KDM3A: variants seen among roughly 807,000 people sequenced by gnomAD.
The protein encoded by KDM3A is lysine-specific demethylase 3A.
In KDM3A, 60 loss-of-function variants were observed where a neutral mutation model predicts 158.0. The observed-to-expected ratio is 0.38, with a 90% CI of 0.31 to 0.47. The LOEUF (loss-of-function observed/expected upper bound fraction) is 0.47. KDM3A is among the 20% of genes least tolerant of loss of function. The pLI is 0.99. For synonymous variants in KDM3A, 608 were observed against 549.3 expected (o/e 1.11, Z -1.49); for missense variants, 1,319 against 1,574.3 (o/e 0.84, Z 2.74).
At chr2:86,457,158 T>C in intron 8 of KDM3A, 87 bp downstream of exon 8, 1 of 471,076 alleles carries the variant, frequency 2.1e-6, no homozygotes, top group Non-Finnish European at 3.4e-6. Flanking sequence ...TTTATTTAAT[T>C]ATTTTTATTT....
intron 16 of KDM3A, 44 bp downstream of exon 16, chr2:86,480,406 C>G (rs748729002): frequency 1.3e-6 from 2 of 1,533,106 alleles, no homozygotes; most frequent in South Asian, 1.2e-5. Context: ...GTATTTTAGT[C>G]CATTCGTGGA....
intron 21 of KDM3A, 182 bp from the exon 22 acceptor site, chr2:86,489,136 A>C: frequency 1.6e-6 from 1 of 631,748 alleles, no homozygotes; most frequent in Non-Finnish European, 2.6e-6. Context: ...GCTTCTGAGT[A>C]TTCCTTCTTT....
intron 2 of KDM3A, among the ~76,000 whole-genome samples, chr2:86,447,456 C>CTTTTT (rs150625957): frequency 3.0e-5 from 4 of 134,666 alleles, no homozygotes; most frequent in African/African-American, 1.1e-4. Flanking sequence ...TAATTCTGCA[C>CTTTTT]TTTTTTTTTT....
In KDM3A at chr2:86,490,968, C is replaced by T. The variant is rs1274950661; in HGVS notation, c.3661C>T (p.Arg1221Cys). ...SWYLDRSLRK[R>C]LHQEYGVQGW... ...GTATTTAGACCGATCATTAAGAAAA[C>T]GTCTTCATCAAGAGTATGGAGTTCA... The change falls in exon 24 of 26, where the codon CGT (arginine) becomes TGT (cysteine). Residue 1221 changes from arginine to cysteine, a missense_variant. By Grantham distance (180) the Arg-to-Cys change is radical. Transcript: ENST00000312912. The T allele has an allele frequency of 1.2e-6, 2 of 1,613,864 alleles. No homozygotes were observed. Among genetic ancestry groups the T allele is most frequent in the Non-Finnish European group, 1.7e-6 (2 of 1,179,786 alleles).
At chr2:86,474,742 T>TGTGTA in intron 11 of KDM3A, 34 bp from the exon 12 acceptor site, 51 of 1,083,072 alleles carry the variant, frequency 4.7e-5, no homozygotes, top group Non-Finnish European at 6.8e-5. Context: ...TGTGTGTGTG[T>TGTGTA]ACATTACATC....
Position 86,484,962 on chromosome 2 carries a change from G to C in KDM3A, c.3115G>C (p.Glu1039Gln). The change falls in exon 20 of 26, where the codon GAA becomes CAA. Residue 1039 changes from glutamate (E) to glutamine (Q), a missense_variant. Physicochemically the swap from Glu to Gln is conservative, Grantham distance 29. Coordinates refer to ENST00000312912, the MANE Select transcript of KDM3A (RefSeq NM_018433.6). Reference sequence around the variant, plus strand: ...TTCAGATCGTTTGAAAAATGAAAAAGAACCAATGGTGTTGAAACTTAAGGA... The same window carrying C: ...TTCAGATCGTTTGAAAAATGAAAAACAACCAATGGTGTTGAAACTTAAGGA... ...DVPNRLKNEK[E>Q]PMVLKLKDWP... 1.2e-6 allele frequency: 2 copies of C among 1,606,660 alleles called. No individual in the cohort carries two copies. Among genetic ancestry groups the C allele is most frequent in the African/African-American group, 1.3e-5 (1 of 74,822 alleles).
chr2:86,439,754 TTCA>T (rs1394954703), upstream of KDM3A, among the ~76,000 whole-genome samples: 2 of 152,140 alleles, frequency 1.3e-5, no homozygotes, highest in Admixed American at 6.5e-5. Context: ...TGTTTTTAGA[TTCA>T]TAACAGTTCA....
At chr2:86,468,732 A>G (rs1333041327) in intron 10 of KDM3A, among the ~76,000 whole-genome samples, 2 of 152,142 alleles carry the variant, frequency 1.3e-5, no homozygotes, top group African/African-American at 4.8e-5. Context: ...GGGTCTAGAA[A>G]ACAAAAGCAA....
chr2:86,470,183 CTTAA>C lies in KDM3A; in HGVS notation c.1520-19_1520-16del, dbSNP rs1391226882. On this transcript the variant is annotated splice_polypyrimidine_tract_variant and intron_variant, in intron 10 of 25. Transcript: ENST00000312912. The stretch of plus-strand genomic sequence containing the variant: ...TTTTAAAAATTTGAGGTCCTGTCTC[CTTAA>C]TCTTTTGTTTTCCTAGCCCCATCCA... 6.2e-7 allele frequency: 1 copy of C among 1,611,010 alleles called. No homozygotes were observed.
chr2:86,456,857 A>G lies in KDM3A; in HGVS notation c.734A>G (p.His245Arg), dbSNP rs1175883704. ...DPSLIHVEVV[H>R]DNLVTCGNSA... ...TCACTGATTCATGTTGAAGTTGTACACGATAACCTTGTGACATGTGGTAAG... is the reference window on the plus strand; with the variant it reads ...TCACTGATTCATGTTGAAGTTGTACGCGATAACCTTGTGACATGTGGTAAG... The change falls in exon 7 of 26, where the codon CAC becomes CGC. Residue 245 changes from histidine (H) to arginine (R), a missense_variant. Physicochemically the swap from His to Arg is conservative, Grantham distance 29 (BLOSUM62 0). This residue lies in a region of KDM3A where 652 missense variants were observed against 627.2 expected (regional missense o/e 1.04). Transcript: ENST00000312912. The G allele has an allele frequency of 1.2e-6, 2 of 1,612,052 alleles. No homozygotes were observed. The highest frequency in any genetic ancestry group is 1.7e-6 in the Non-Finnish European group (2 of 1,178,350).
At chr2:86,451,649 T>G (rs1291947045) in intron 4 of KDM3A, among the ~76,000 whole-genome samples, 5 of 152,188 alleles carry the variant, frequency 3.3e-5, no homozygotes, top group Admixed American at 3.3e-4. Context: ...GCCTGCACAG[T>G]CCACAACTGT....
At chr2:86,474,701 T>TGTGTGTG (rs1553396794) in intron 11 of KDM3A, 75 bp from the exon 12 acceptor site, 13 of 429,138 alleles carry the variant, frequency 3.0e-5, no homozygotes, top group African/African-American at 1.4e-4. Flanking sequence ...TGTAAATAAG[T>TGTGTGTG]TGTGTGTGTG....
At chr2:86,481,678 T>A (rs1237405731) in intron 16 of KDM3A, among the ~76,000 whole-genome samples, 5 of 152,200 alleles carry the variant, frequency 3.3e-5, no homozygotes, top group African/African-American at 1.2e-4. Context: ...AATCTACATT[T>A]ACTAAACATT....
Position 86,489,707 on chromosome 2 carries a change from A to AT in KDM3A, c.3573+50dup, listed in dbSNP as rs771356368. On this transcript the variant is annotated intron_variant, in intron 23 of 25. Coordinates refer to ENST00000312912, the MANE Select transcript of KDM3A (RefSeq NM_018433.6). ...GAACAGAGGCATAAGGAATAGCAAT[A>AT]TTATGTTACTACATGTGGTGAACTG... is the stretch of plus-strand genomic sequence containing the variant. 49 of 1,560,318 alleles carry AT rather than the reference A, an allele frequency of 3.1e-5. 2 individuals carry two copies. In the South Asian group the frequency reaches 5.6e-4, roughly 18 times the overall value.
At chr2:86,488,314 C>T (rs1674287283) in intron 21 of KDM3A, 3 of 152,210 alleles carry the variant, frequency 2.0e-5, no homozygotes, top group Admixed American at 6.5e-5. Context: ...AACTCATCAC[C>T]CAGTTATATA....
chr2:86,480,089 G>T, intron 15 of KDM3A, 78 bp from the exon 16 acceptor site: 2 of 1,120,196 alleles, frequency 1.8e-6, no homozygotes, highest in South Asian at 1.3e-5. Context: ...TTGTTGGTCG[G>T]CTATTAGGAG....
intron 10 of KDM3A, 131 bp from the exon 11 acceptor site, chr2:86,470,073 A>C: frequency 1.4e-6 from 1 of 692,786 alleles, no homozygotes; most frequent in Non-Finnish European, 2.5e-6. Flanking sequence ...TTTAGAAATT[A>C]CAATTGAACC....
At position 86,442,080 on chromosome 2, in the gene KDM3A, A is replaced by G. The variant is rs745968685; in HGVS notation, c.33A>G (p.Val11=). ...TCACGCTCGGAGAAAGTTGGCCGGT[A>G]TTGGTGGGGAGGAGGTTTCTCAGTC... MVLTLGESWP[V]LVGRRFLSLS... is the part of the protein sequence containing the mutation. Residue 11 remains valine (V), a synonymous_variant, in exon 2 of 26, where the codon GTA becomes GTG. Coordinates refer to ENST00000312912, the MANE Select transcript of KDM3A (RefSeq NM_018433.6). The G allele has an allele frequency of 1.9e-6, 3 of 1,613,926 alleles. No homozygotes were observed. Among genetic ancestry groups the G allele is most frequent in the African/African-American group, 1.3e-5 (1 of 75,030 alleles).
chr2:86,482,872 A>C (rs541846026), intron 18 of KDM3A, 178 bp downstream of exon 18: 1 of 634,354 alleles, frequency 1.6e-6, no homozygotes, highest in South Asian at 1.9e-5. Context: ...TTTTTAAAGC[A>C]GATGGTCCTA....
Sources: gnomAD v4.1 joint callset for allele counts (sites outside exome capture counted in the v4.1 genomes callset) on GRCh38, gnomAD v4.1.1 for gene constraint, gnomAD v4.1.1 regional missense constraint, MANE v1.5 for transcripts, NCBI Gene and HGNC (gene_info 2026-07-23, HGNC 2026-07-21) for gene names.